The following PFKFB3 variants were observed in gnomAD, a reference collection of about 807,000 sequenced individuals.
PFKFB3 encodes 6-phosphofructo-2-kinase/fructose-2,6-bisphosphatase 3.
PFKFB3 carries 33 observed loss-of-function variants against 68.0 expected under a neutral mutation model. That is an observed-to-expected ratio of 0.49 (90% CI 0.37 to 0.65). The LOEUF (loss-of-function observed/expected upper bound fraction) is 0.65. Ranked by LOEUF, PFKFB3 falls within the 30% of genes least tolerant of loss-of-function variation. PFKFB3 has a pLI of 0.00. For missense variants in PFKFB3, 586 were observed against 712.2 expected, an observed-to-expected ratio of 0.82 and a Z score of 2.02; for synonymous variants, 315 against 288.2, an observed-to-expected ratio of 1.09 and a Z score of -0.94.
chr10:6,157,821 T>A (rs867423272), intron 1 of PFKFB3, among the ~76,000 whole-genome samples: 3 of 152,172 alleles, frequency 2.0e-5, no homozygotes, highest in African/African-American at 7.2e-5. Context: ...TTTTGAAAAT[T>A]CATTTTTGAA....
rs1218830458 is a variant in PFKFB3 at position 6,234,260 on chromosome 10, C to G, written c.*1318C>G. ...ATGTCTCAAAGCTTGTGCCAAAGGTCACTTTTCTTTCCTGCCTTCTGCTGT... is the reference window on the plus strand; with the variant it reads ...ATGTCTCAAAGCTTGTGCCAAAGGTGACTTTTCTTTCCTGCCTTCTGCTGT... On this transcript the variant is annotated 3_prime_UTR_variant, in exon 15 of 15. Coordinates refer to ENST00000379775, the MANE Select transcript of PFKFB3 (RefSeq NM_004566.4). The G allele has an allele frequency of 6.6e-6, 1 of 152,320 alleles. No individual in the cohort carries two copies. Among genetic ancestry groups the G allele is most frequent in the Non-Finnish European group, 1.5e-5 (1 of 68,036 alleles). 9.4% of individuals were successfully genotyped at this position (152,320 alleles called of 1,614,324 possible). A position where few individuals can be genotyped will look rare whatever the true frequency, so the allele number is the denominator to read the frequency against.
chr10:6,244,479 C>G (rs1216111441), intron 14 of PFKFB3, among the ~76,000 whole-genome samples: 1 of 152,128 alleles, frequency 6.6e-6, no homozygotes, highest in African/African-American at 2.4e-5. Context: ...CGGGGCAGGC[C>G]TGAGAATTTG....
chr10:6,190,902 C>T (rs1021143797), intron 1 of PFKFB3, among the ~76,000 whole-genome samples: 3 of 152,188 alleles, frequency 2.0e-5, no homozygotes, highest in Non-Finnish European at 2.9e-5. Context: ...CCTCAGCCTC[C>T]TGAGTAGCTG....
At chr10:6,226,078 G>T in intron 13 of PFKFB3, 114 bp from the exon 14 acceptor site, 1 of 931,674 alleles carries the variant, frequency 1.1e-6, no homozygotes, top group Non-Finnish European at 1.6e-6. Context: ...CACTCCCCTC[G>T]GTCAGTCTTT....
chr10:6,257,904 G>T (rs370106832), downstream of PFKFB3, among the ~76,000 whole-genome samples: 1 of 152,122 alleles, frequency 6.6e-6, no homozygotes, highest in Non-Finnish European at 1.5e-5. Context: ...CCAGGTGTTG[G>T]TAATCCTTCA....
At chr10:6,174,487 C>T (rs147937799) in intron 1 of PFKFB3, among the ~76,000 whole-genome samples, 1 of 152,210 alleles carries the variant, frequency 6.6e-6, no homozygotes, top group Non-Finnish European at 1.5e-5. Flanking sequence ...ATTCCGTGGC[C>T]CGGGCTGACC....
chr10:6,314,536 G>C, the PFKFB3 span, among the ~76,000 whole-genome samples: 1 of 152,104 alleles, frequency 6.6e-6, no homozygotes, highest in Non-Finnish European at 1.5e-5. Context: ...GCTCTTTACA[G>C]TATTACGTTT....
intron 6 of PFKFB3, among the ~76,000 whole-genome samples, chr10:6,218,681 C>T (rs1844754042): frequency 1.3e-5 from 2 of 152,160 alleles, no homozygotes; most frequent in Admixed American, 6.5e-5. Flanking sequence ...GATCTGCTTG[C>T]CTTGGCCTCC....
intron 1 of PFKFB3, among the ~76,000 whole-genome samples, chr10:6,188,180 G>T (rs771979444): frequency 2.0e-5 from 3 of 151,566 alleles, no homozygotes; most frequent in East Asian, 3.9e-4. Context: ...ATGCCCTTTT[G>T]TCCCTAAGTA....
chr10:6,156,133 G>A (rs1436959614), intron 1 of PFKFB3, among the ~76,000 whole-genome samples: 5 of 136,560 alleles, frequency 3.7e-5, no homozygotes, highest in African/African-American at 1.4e-4. Flanking sequence ...ATATATATGT[G>A]TGTGTGTGTG....
the PFKFB3 span, among the ~76,000 whole-genome samples, chr10:6,269,612 G>C: frequency 6.6e-6 from 1 of 152,298 alleles, no homozygotes; most frequent in African/African-American, 2.4e-5. Flanking sequence ...TAGGAAAGTG[G>C]AAGTGACTTA....
chr10:6,281,166 C>CATATATAT, the PFKFB3 span, among the ~76,000 whole-genome samples: 18,124 of 85,052 alleles, frequency 0.21, 3,762 homozygotes, highest in Non-Finnish European at 0.32. Flanking sequence ...AGTATTCCAT[C>CATATATAT]ATATATATAT....
At chr10:6,177,430 T>TTCC (rs1564599816) in intron 1 of PFKFB3, among the ~76,000 whole-genome samples, 25 of 67,380 alleles carry the variant, frequency 3.7e-4, no homozygotes, top group East Asian at 1.4e-3. Flanking sequence ...TCTTCCTTTC[T>TTCC]TTTCTTTCTC....
downstream of PFKFB3, among the ~76,000 whole-genome samples, chr10:6,237,704 T>C (rs1463103057): frequency 6.6e-6 from 1 of 152,186 alleles, no homozygotes; most frequent in Non-Finnish European, 1.5e-5. Context: ...TAGCTGGGAC[T>C]ACAGGCATGT....
At chr10:6,308,282 G>T in the PFKFB3 span, among the ~76,000 whole-genome samples, 1 of 152,202 alleles carries the variant, frequency 6.6e-6, no homozygotes, top group African/African-American at 2.4e-5. Flanking sequence ...GGAGGCCAAG[G>T]CAGGAGGATC....
chr10:6,320,184 G>C, the PFKFB3 span, among the ~76,000 whole-genome samples: 1 of 152,194 alleles, frequency 6.6e-6, no homozygotes, highest in African/African-American at 2.4e-5. Context: ...CTGGGTGACA[G>C]AGTGAGACCC....
At chr10:6,211,419 G>A (rs144851295) in intron 1 of PFKFB3, among the ~76,000 whole-genome samples, 141 of 152,296 alleles carry the variant, frequency 9.3e-4, no homozygotes, top group African/African-American at 2.9e-3. Context: ...TAGGAGCAGC[G>A]GTGCAGTGGG....
chr10:6,177,315 G>T (rs1564599314), intron 1 of PFKFB3, among the ~76,000 whole-genome samples: 1 of 150,740 alleles, frequency 6.6e-6, no homozygotes, highest in African/African-American at 2.4e-5. Flanking sequence ...CATAGTAGAG[G>T]TCAATAAAAC....
At chr10:6,269,029 A>G in the PFKFB3 span, among the ~76,000 whole-genome samples, 3 of 151,008 alleles carry the variant, frequency 2.0e-5, no homozygotes, top group Admixed American at 1.3e-4. Flanking sequence ...GTCTCAAAAA[A>G]AAAAAAAAAA....
Sources: allele counts gnomAD v4.1 joint callset (sites outside exome capture counted in the v4.1 genomes callset), GRCh38; gene constraint gnomAD v4.1.1; transcripts MANE v1.5; gene names NCBI Gene and HGNC (gene_info 2026-07-23, HGNC 2026-07-21).